Variants in NDST3 observed in about 807,000 individuals in gnomAD.
The protein encoded by NDST3 is bifunctional heparan sulfate N-deacetylase/N-sulfotransferase 3.
A neutral mutation model predicts 96.1 loss-of-function variants in NDST3; 58 were observed. The ratio of observed to expected loss-of-function variants is 0.60; its 90% CI spans 0.49 to 0.75. The LOEUF is 0.75. Among genes scored for constraint, NDST3 ranks in the 30% least tolerant of loss-of-function variants. NDST3 has a pLI of 0.00. For missense variants in NDST3, 788 were observed against 1,034.2 expected (o/e 0.76, Z 3.27); for synonymous variants, 333 against 359.7 (o/e 0.93, Z 0.84).
intron 8 of NDST3, among the ~76,000 whole-genome samples, chr4:118,227,264 G>A (rs559336497): frequency 1.4e-4 from 21 of 150,702 alleles, no homozygotes; most frequent in African/African-American, 4.1e-4. Flanking sequence ...TAATTGAAAA[G>A]TATTGTAATT....
intron 13 of NDST3, among the ~76,000 whole-genome samples, chr4:118,254,485 C>G (rs1208076553): frequency 6.6e-6 from 1 of 152,134 alleles, no homozygotes; most frequent in Non-Finnish European, 1.5e-5. Context: ...CCTGTTTATT[C>G]TGTTCAGAAT....
chr4:118,093,115 A>G (rs1020890676), intron 2 of NDST3, among the ~76,000 whole-genome samples: 3 of 151,866 alleles, frequency 2.0e-5, no homozygotes, highest in Admixed American at 6.6e-5. Context: ...ACTGAGTGAG[A>G]ATGAATGGAT....
intron 1 of NDST3, among the ~76,000 whole-genome samples, 162 bp downstream of exon 1, chr4:118,034,754 A>AT (rs1158921009): frequency 6.6e-6 from 1 of 152,254 alleles, no homozygotes; most frequent in Non-Finnish European, 1.5e-5. Context: ...TTTTGATTAA[A>AT]TTAAGTGAAA....
At chr4:118,244,880 A>G (rs1378830260) in intron 12 of NDST3, among the ~76,000 whole-genome samples, 1 of 152,186 alleles carries the variant, frequency 6.6e-6, no homozygotes, top group African/African-American at 2.4e-5. Flanking sequence ...GTGTTAAATG[A>G]CATATTTAAT....
At chr4:118,125,614 G>A (rs548162296) in intron 4 of NDST3, among the ~76,000 whole-genome samples, 54 of 152,012 alleles carry the variant, frequency 3.6e-4, no homozygotes, top group African/African-American at 1.2e-3. Context: ...TAGTACATTC[G>A]TATTTAGCAT....
Position 118,114,945 on chromosome 4 carries a change from C to T in NDST3, c.1209C>T (p.Asn403=). 1 of 1,613,880 alleles carries T rather than the reference C, an allele frequency of 6.2e-7. No homozygotes were observed. Among genetic ancestry groups the T allele is most frequent in the Non-Finnish European group, 8.5e-7 (1 of 1,179,908 alleles). The change falls in exon 4 of 14, where the codon AAC becomes AAT. Residue 403 remains asparagine, a synonymous_variant. Coordinates refer to ENST00000296499, the MANE Select transcript of NDST3 (RefSeq NM_004784.3). ...ESSLVEQMIL[N]KKFALEHGIP... ...CTTTGGTGGAGCAGATGATTCTCAACAAAAAATTTGCCTTAGTAAGTAACT... is the reference window on the plus strand; with the variant it reads ...CTTTGGTGGAGCAGATGATTCTCAATAAAAAATTTGCCTTAGTAAGTAACT...
At chr4:118,036,411 C>A (rs1343971428) in intron 1 of NDST3, among the ~76,000 whole-genome samples, 1 of 151,930 alleles carries the variant, frequency 6.6e-6, no homozygotes, top group South Asian at 2.1e-4. Flanking sequence ...TAAATGAATG[C>A]CTTGAATTTC....
chr4:118,056,805 G>C (rs1234014344), intron 2 of NDST3, among the ~76,000 whole-genome samples: 1 of 151,802 alleles, frequency 6.6e-6, no homozygotes, highest in Non-Finnish European at 1.5e-5. Context: ...CAGGCTTTAG[G>C]GATACAATGA....
intron 4 of NDST3, among the ~76,000 whole-genome samples, chr4:118,135,320 C>G (rs563324106): frequency 1.3e-5 from 2 of 152,120 alleles, no homozygotes; most frequent in African/African-American, 4.8e-5. Context: ...GAGAAAGAAT[C>G]CCAAAATCTA....
chr4:118,100,617 G>A lies in NDST3; in HGVS notation c.982-4401G>A, dbSNP rs113638330. ...TGGAAAAAAGAGCATCCTTGTCTTC[G>A]TTTCTGGAAGATTATGTCACCACAG... On this transcript the variant is annotated intron_variant, in intron 2 of 13. Coordinates refer to ENST00000296499, the MANE Select transcript of NDST3 (RefSeq NM_004784.3). Among the ~76,000 whole-genome samples, 1,035 of 152,118 alleles carry A rather than the reference G, an allele frequency of 6.8e-3. 8 individuals are homozygous for A. The highest frequency in any genetic ancestry group is 0.023 in the African/African-American group (973 of 41,508).
At chr4:118,132,521 A>C (rs1188211467) in intron 4 of NDST3, among the ~76,000 whole-genome samples, 2 of 152,088 alleles carry the variant, frequency 1.3e-5, no homozygotes, top group African/African-American at 4.8e-5. Flanking sequence ...CTAGGCCTGG[A>C]CTCAGAGACC....
intron 6 of NDST3, among the ~76,000 whole-genome samples, chr4:118,174,410 A>G (rs1476632248): frequency 2.6e-5 from 4 of 152,198 alleles, no homozygotes; most frequent in Non-Finnish European, 5.9e-5. Context: ...TATATTTACA[A>G]GAGAAATCAG....
chr4:118,097,320 G>C (rs1259875529), intron 2 of NDST3, among the ~76,000 whole-genome samples: 1 of 151,892 alleles, frequency 6.6e-6, no homozygotes, highest in African/African-American at 2.4e-5. Context: ...TGTTAATTAT[G>C]AGGCTTATGA....
At chr4:118,041,992 C>G (rs1724498628) in intron 1 of NDST3, among the ~76,000 whole-genome samples, 2 of 152,142 alleles carry the variant, frequency 1.3e-5, no homozygotes, top group Admixed American at 1.3e-4. Flanking sequence ...AGTTGGTCAG[C>G]AAAGGCTTCC....
chr4:118,248,289 T>A (rs1741448638), intron 12 of NDST3, among the ~76,000 whole-genome samples: 1 of 151,784 alleles, frequency 6.6e-6, no homozygotes, highest in African/African-American at 2.4e-5. Context: ...AGGTTGAGGT[T>A]GCAGTGAGCC....
intron 12 of NDST3, among the ~76,000 whole-genome samples, chr4:118,245,167 T>C (rs1307119386): frequency 1.3e-5 from 2 of 152,134 alleles, no homozygotes; most frequent in South Asian, 2.1e-4. Flanking sequence ...AAATGAAAAA[T>C]ATGAACTTTT....
At chr4:118,180,763 T>C (rs2125950293) in intron 6 of NDST3, among the ~76,000 whole-genome samples, 1 of 152,314 alleles carries the variant, frequency 6.6e-6, no homozygotes, top group Admixed American at 6.5e-5. Flanking sequence ...AGCCCATTTC[T>C]TGACCAGCTT....
chr4:118,232,574 G>A (rs889566194), intron 8 of NDST3, among the ~76,000 whole-genome samples: 1 of 151,604 alleles, frequency 6.6e-6, no homozygotes, highest in African/African-American at 2.4e-5. Flanking sequence ...TGGTGTCAAG[G>A]TTGTAGTGAG....
chr4:118,119,615 CT>C, intron 4 of NDST3, among the ~76,000 whole-genome samples: 1 of 152,166 alleles, frequency 6.6e-6, no homozygotes, highest in Admixed American at 6.5e-5. Context: ...CTATAATTTA[CT>C]TCATAAAATG....
Sources: gnomAD v4.1 joint callset for allele counts (sites outside exome capture counted in the v4.1 genomes callset) on GRCh38, gnomAD v4.1.1 for gene constraint, MANE v1.5 for transcripts, NCBI Gene and HGNC (gene_info 2026-07-23, HGNC 2026-07-21) for gene names.